The following FBH1 variants were observed in gnomAD, a reference collection of about 807,000 sequenced individuals.
FBH1 encodes DNA 3'-5' helicase 1.
Under a neutral mutation model 115.5 loss-of-function variants are expected in FBH1, and 43 were observed. That is an observed-to-expected ratio of 0.37 (90% CI 0.29 to 0.48). The LOEUF is 0.48. FBH1 is among the 20% of genes least tolerant of loss of function. The pLI, the probability that FBH1 is intolerant of heterozygous loss-of-function variation, is 0.99. For synonymous variants in FBH1, 524 were observed against 507.8 expected (o/e 1.03, Z -0.43); for missense variants, 1,001 against 1,337.3 (o/e 0.75, Z 3.92).
Position 5,911,416 on chromosome 10 carries a change from A to C in FBH1, c.1211+288A>C, listed in dbSNP as rs1164668886. ...CTTAGGGGAAGCCCCTCGCCAAGAG[A>C]AGCCTTTCTTATTCACCCGTGGCCT... On this transcript the variant is annotated intron_variant, in intron 6 of 20. Transcript: ENST00000362091. This position sits in a 1 kb window ranked among gnomAD's most constrained non-coding sequence, Gnocchi z 5.4. Among the ~76,000 whole-genome samples, 2 of 152,180 alleles carry C rather than the reference A, an allele frequency of 1.3e-5. No individual in the cohort carries two copies. Among genetic ancestry groups the C allele is most frequent in the Non-Finnish European group, 2.9e-5 (2 of 68,036 alleles).
Position 5,925,303 on chromosome 10 carries a change from T to C in FBH1, c.2597-64T>C, listed in dbSNP as rs1832578426. The C allele has an allele frequency of 6.3e-7, 1 of 1,584,208 alleles. No homozygotes were observed. Among genetic ancestry groups the C allele is most frequent in the South Asian group, 1.1e-5 (1 of 87,586 alleles). ...CAGAGTCAAGTGGGAAACATGTATG[T>C]TTTTGTCATCTTGTTTCTTTCCCTT... On this transcript the variant is annotated intron_variant, in intron 17 of 20. Coordinates refer to ENST00000362091, the MANE Select transcript of FBH1 (RefSeq NM_178150.3). The surrounding 1 kb of genome is among the most constrained non-coding windows in gnomAD (Gnocchi z 4.6).
chr10:5,914,099 G>A lies in FBH1; in HGVS notation c.1305-79G>A, dbSNP rs1831777702. On this transcript the variant is annotated intron_variant, in intron 7 of 20. Coordinates refer to ENST00000362091, the MANE Select transcript of FBH1 (RefSeq NM_178150.3). This position sits in a 1 kb window ranked among gnomAD's most constrained non-coding sequence, Gnocchi z 5.2. ...CAGCTTTTGTTTATCCAGTTTGTATGTTTGGTTTTTGGACTGTCTATCCCC... is the reference window on the plus strand; with the variant it reads ...CAGCTTTTGTTTATCCAGTTTGTATATTTGGTTTTTGGACTGTCTATCCCC... 6 of 1,362,224 alleles carry A rather than the reference G, an allele frequency of 4.4e-6. No homozygotes were observed. Among genetic ancestry groups the A allele is most frequent in the Non-Finnish European group, 6.2e-6 (6 of 965,884 alleles). The allele number at this position is 1,362,224 out of a possible 1,614,324, so 84.4% of individuals were successfully genotyped here.
Position 5,913,105 on chromosome 10 carries a change from C to T in FBH1, c.1212-642C>T, listed in dbSNP as rs917452626. Among the ~76,000 whole-genome samples, 1 of 152,030 alleles carries T rather than the reference C, an allele frequency of 6.6e-6. No individual in the cohort carries two copies. ...GAGACTTGGAGAGGCTTTGGAACGGCGTGTGCCAGCTGAGTCTGACGAGTC... is the reference window on the plus strand; with the variant it reads ...GAGACTTGGAGAGGCTTTGGAACGGTGTGTGCCAGCTGAGTCTGACGAGTC... On this transcript the variant is annotated intron_variant, in intron 6 of 20. Transcript: ENST00000362091. The surrounding 1 kb of genome is among the most constrained non-coding windows in gnomAD (Gnocchi z 4.4).
intron 1 of FBH1, among the ~76,000 whole-genome samples, chr10:5,896,470 A>T (rs1843009678): frequency 6.6e-6 from 1 of 152,180 alleles, no homozygotes; most frequent in Admixed American, 6.5e-5. Flanking sequence ...GCCGTCACAG[A>T]AAAGGCAGTG....
chr10:5,921,201 A>C lies in FBH1; in HGVS notation c.2101-57A>C, dbSNP rs1779676759. 1 of 1,540,386 alleles carries C rather than the reference A, an allele frequency of 6.5e-7. No homozygotes were observed. On this transcript the variant is annotated intron_variant, in intron 13 of 20. Coordinates refer to ENST00000362091, the MANE Select transcript of FBH1 (RefSeq NM_178150.3). The surrounding 1 kb of genome is among the most constrained non-coding windows in gnomAD (Gnocchi z 6.4). ...GCCAGGCTGTGGCAGCAGTGATGGA[A>C]ATGCACGGACACACCACAGGGCGGG...
Position 5,921,583 on chromosome 10 carries a change from T to C in FBH1, c.2322+14T>C. 1 of 1,591,112 alleles carries C rather than the reference T, an allele frequency of 6.3e-7. No homozygotes were observed. The highest frequency in any genetic ancestry group is 8.5e-7 in the Non-Finnish European group (1 of 1,174,694). On this transcript the variant is annotated intron_variant, in intron 15 of 20. Coordinates refer to ENST00000362091, the MANE Select transcript of FBH1 (RefSeq NM_178150.3). This position sits in a 1 kb window ranked among gnomAD's most constrained non-coding sequence, Gnocchi z 6.4. ...CATTTGATTGGGGTAAGAGTACATT[T>C]CTGTTGACCACTTCATGCACAGAAA...
chr10:5,926,104 CTTA>C (rs1832633177), intron 18 of FBH1, among the ~76,000 whole-genome samples: 1 of 117,052 alleles, frequency 8.5e-6, no homozygotes, highest in Non-Finnish European at 1.9e-5. Flanking sequence ...TATTATTATT[CTTA>C]TTCTTATTCT....
intron 1 of FBH1, among the ~76,000 whole-genome samples, chr10:5,898,920 T>C (rs953513311): frequency 6.6e-6 from 1 of 152,246 alleles, no homozygotes; most frequent in Non-Finnish European, 1.5e-5. Context: ...ATGAGACATC[T>C]CCATCTCATT....
chr10:5,924,220 C>T lies in FBH1; in HGVS notation c.2399-91C>T. Reference sequence around the variant, plus strand: ...GGTCTCCCCACTTTAAGACCATCTGCTCTTGCGCAGCTGCTTAGGAACGTG... The same window carrying T: ...GGTCTCCCCACTTTAAGACCATCTGTTCTTGCGCAGCTGCTTAGGAACGTG... On this transcript the variant is annotated intron_variant, in intron 16 of 20. Transcript: ENST00000362091. This position sits in a 1 kb window ranked among gnomAD's most constrained non-coding sequence, Gnocchi z 6.2. The T allele has an allele frequency of 5.4e-6, 7 of 1,293,402 alleles. No homozygotes were observed. The highest frequency in any genetic ancestry group is 7.7e-6 in the Non-Finnish European group (7 of 912,778). The allele number at this position is 1,293,402 out of a possible 1,614,324, so 80.1% of individuals were successfully genotyped here. A position where few individuals can be genotyped will look rare whatever the true frequency, so the allele number is the denominator to read the frequency against.
intron 1 of FBH1, chr10:5,894,962 G>A (rs976638549): frequency 6.7e-6 from 10 of 1,489,882 alleles, no homozygotes; most frequent in Admixed American, 2.1e-5. Context: ...TTATTCCTGC[G>A]AAGTGCTTCC....
Position 5,902,886 on chromosome 10 carries a change from G to A in FBH1, c.2-134G>A. The A allele has an allele frequency of 5.8e-6, 4 of 694,328 alleles. No homozygotes were observed. In the South Asian group the frequency reaches 1.2e-4, roughly 20 times the overall value. 43.0% of individuals were successfully genotyped at this position (694,328 alleles called of 1,614,324 possible). A position where few individuals can be genotyped will look rare whatever the true frequency, so the allele number is the denominator to read the frequency against. ...GGACAAAGTTGGGGGGCAAGGGGAGGGGGGAACGGTTGGCTGGGGTGTTGA... is the reference window on the plus strand; with the variant it reads ...GGACAAAGTTGGGGGGCAAGGGGAGAGGGGAACGGTTGGCTGGGGTGTTGA... On this transcript the variant is annotated intron_variant, in intron 1 of 20. Coordinates refer to ENST00000362091, the MANE Select transcript of FBH1 (RefSeq NM_178150.3).
At position 5,917,329 on chromosome 10, in the gene FBH1, C is replaced by A; in HGVS notation, c.1789-91C>A. 2 of 1,051,992 alleles carry A rather than the reference C, an allele frequency of 1.9e-6. No individual in the cohort carries two copies. Among genetic ancestry groups the A allele is most frequent in the South Asian group, 2.7e-5 (2 of 73,698 alleles). The allele number at this position is 1,051,992 out of a possible 1,614,324, so 65.2% of individuals were successfully genotyped here. On this transcript the variant is annotated intron_variant, in intron 10 of 20. Coordinates refer to ENST00000362091, the MANE Select transcript of FBH1 (RefSeq NM_178150.3). The surrounding 1 kb of genome is among the most constrained non-coding windows in gnomAD (Gnocchi z 5.6). ...CCCCTTCTGTGAGGATGCCCTGGCT[C>A]CACTGCTGTATGGGAGTTGACAGTG... is the stretch of plus-strand genomic sequence containing the variant.
chr10:5,921,185 T>C lies in FBH1; in HGVS notation c.2101-73T>C, dbSNP rs1832292058. Reference sequence around the variant, plus strand: ...TGTAGGGTCTGGCCCGGCCAGGCTGTGGCAGCAGTGATGGAAATGCACGGA... The same window carrying C: ...TGTAGGGTCTGGCCCGGCCAGGCTGCGGCAGCAGTGATGGAAATGCACGGA... On this transcript the variant is annotated intron_variant, in intron 13 of 20. Transcript: ENST00000362091. The surrounding 1 kb of genome is among the most constrained non-coding windows in gnomAD (Gnocchi z 6.4). 1.4e-6 allele frequency: 2 copies of C among 1,443,012 alleles called. No individual in the cohort carries two copies. The highest frequency in any genetic ancestry group is 1.2e-5 in the South Asian group (1 of 84,782). The allele number at this position is 1,443,012 out of a possible 1,614,324, so 89.4% of individuals were successfully genotyped here. A position where few individuals can be genotyped will look rare whatever the true frequency, so the allele number is the denominator to read the frequency against.
rs989565650 is a variant in FBH1, at chr10:5,915,758, A to G, written c.1565+187A>G. The G allele has an allele frequency of 1.5e-5, 9 of 596,804 alleles. No individual in the cohort carries two copies. The highest frequency in any genetic ancestry group is 9.3e-5 in the African/African-American group (5 of 53,744). The allele number at this position is 596,804 out of a possible 1,614,324, so 37.0% of individuals were successfully genotyped here. On this transcript the variant is annotated intron_variant, in intron 9 of 20. Coordinates refer to ENST00000362091, the MANE Select transcript of FBH1 (RefSeq NM_178150.3). The surrounding 1 kb of genome is among the most constrained non-coding windows in gnomAD (Gnocchi z 5.2). ...TTGTACTTTTATCCTGTAGCAACAT[A>G]TTGTTTACATATAATGCCGTCTTGC...
At chr10:5,929,689 A>G (rs1021363385) in intron 19 of FBH1, 3 of 152,164 alleles carry the variant, frequency 2.0e-5, no homozygotes, top group Admixed American at 2.0e-4. Flanking sequence ...GTGAACAAGT[A>G]TGGCTGTGTT....
chr10:5,921,193 G>C lies in FBH1; in HGVS notation c.2101-65G>C. On this transcript the variant is annotated intron_variant, in intron 13 of 20. Coordinates refer to ENST00000362091, the MANE Select transcript of FBH1 (RefSeq NM_178150.3). The surrounding 1 kb of genome is among the most constrained non-coding windows in gnomAD (Gnocchi z 6.4). ...CTGGCCCGGCCAGGCTGTGGCAGCA[G>C]TGATGGAAATGCACGGACACACCAC... is the stretch of plus-strand genomic sequence containing the variant. The C allele has an allele frequency of 6.7e-7, 1 of 1,496,004 alleles. No individual in the cohort carries two copies. Among genetic ancestry groups the C allele is most frequent in the Non-Finnish European group, 9.3e-7 (1 of 1,077,988 alleles). 92.7% of individuals were successfully genotyped at this position (1,496,004 alleles called of 1,614,324 possible). A position where few individuals can be genotyped will look rare whatever the true frequency, so the allele number is the denominator to read the frequency against.
At chr10:5,894,536 T>A in intron 1 of FBH1, 1 of 826,604 alleles carries the variant, frequency 1.2e-6, no homozygotes, top group Non-Finnish European at 2.2e-6. Context: ...AGCCCCAGCT[T>A]AATCATGGCA....
At chr10:5,894,100 G>A in intron 1 of FBH1, 1 of 985,426 alleles carries the variant, frequency 1.0e-6, no homozygotes, top group Non-Finnish European at 1.2e-6. Flanking sequence ...TTACTGCCTG[G>A]GAACTTTTGG....
chr10:5,899,361 C>T (rs948606509), intron 1 of FBH1, among the ~76,000 whole-genome samples: 1 of 152,268 alleles, frequency 6.6e-6, no homozygotes, highest in Middle Eastern at 3.4e-3. Flanking sequence ...TCCATGAAAG[C>T]TTTTCTTCTC....
Sources: gnomAD v4.1 joint callset for allele counts (sites outside exome capture counted in the v4.1 genomes callset) on GRCh38, gnomAD v4.1.1 for gene constraint, Gnocchi (gnomAD v3.1) non-coding constraint, MANE v1.5 for transcripts, NCBI Gene and HGNC (gene_info 2026-07-23, HGNC 2026-07-21) for gene names.